Variants in SGCZ observed in about 807,000 individuals in gnomAD.
SGCZ encodes sarcoglycan zeta.
SGCZ carries 40 observed loss-of-function variants against 41.3 expected under a neutral mutation model. That is an observed-to-expected ratio of 0.97 (90% CI 0.75 to 1.26). SGCZ has a LOEUF of 1.26. Among genes scored for constraint, SGCZ ranks in the 50% most tolerant of loss-of-function variants. SGCZ has a pLI of 0.00. For synonymous variants in SGCZ, 206 were observed against 137.5 expected (o/e 1.50, Z -3.49); for missense variants, 552 against 369.8 (o/e 1.49, Z -4.04).
chr8:14,371,347 A>G (rs1803901953), intron 2 of SGCZ, among the ~76,000 whole-genome samples: 1 of 152,024 alleles, frequency 6.6e-6, no homozygotes, highest in South Asian at 2.1e-4. Flanking sequence ...GTTAAATGAC[A>G]ACATTTTCTG....
At chr8:14,346,870 G>A (rs769552449) in intron 2 of SGCZ, among the ~76,000 whole-genome samples, 2 of 151,922 alleles carry the variant, frequency 1.3e-5, no homozygotes, top group South Asian at 2.1e-4. Flanking sequence ...AGTTTAGGGC[G>A]TTTCCTTTTT....
chr8:14,802,239 A>G (rs1362755780), intron 1 of SGCZ, among the ~76,000 whole-genome samples: 1 of 152,218 alleles, frequency 6.6e-6, no homozygotes, highest in Non-Finnish European at 1.5e-5. Flanking sequence ...AAGAAAGACA[A>G]AAATTTAAAC....
At chr8:14,435,694 G>A (rs926437238) in intron 2 of SGCZ, among the ~76,000 whole-genome samples, 1 of 152,190 alleles carries the variant, frequency 6.6e-6, no homozygotes, top group Admixed American at 6.6e-5. Context: ...CTGGAATATG[G>A]TGAAGTGTTT....
intron 4 of SGCZ, among the ~76,000 whole-genome samples, chr8:14,197,645 T>A (rs1340523335): frequency 6.6e-6 from 1 of 152,066 alleles, no homozygotes; most frequent in East Asian, 1.9e-4. Context: ...AAATTGGGAA[T>A]GAAAAGAAAT....
At chr8:14,460,629 G>T (rs1234067553) in intron 2 of SGCZ, among the ~76,000 whole-genome samples, 1 of 152,094 alleles carries the variant, frequency 6.6e-6, no homozygotes, top group Non-Finnish European at 1.5e-5. Context: ...ATCACCAACT[G>T]AGAAATACCA....
chr8:14,901,916 G>C (rs1798984130), intron 1 of SGCZ, among the ~76,000 whole-genome samples: 1 of 152,140 alleles, frequency 6.6e-6, no homozygotes, highest in Non-Finnish European at 1.5e-5. Context: ...ATTGATTCTT[G>C]TTTACATCAC....
chr8:14,567,728 C>G (rs768155889), intron 1 of SGCZ, among the ~76,000 whole-genome samples: 7 of 152,160 alleles, frequency 4.6e-5, no homozygotes, highest in Non-Finnish European at 8.8e-5. Context: ...AGCTGTAACA[C>G]TCACCGTGAA....
chr8:14,316,063 A>G (rs1046313400), intron 3 of SGCZ, among the ~76,000 whole-genome samples: 11 of 151,906 alleles, frequency 7.2e-5, no homozygotes, highest in African/African-American at 2.7e-4. Context: ...ATTTTGAGTC[A>G]GAAAAGTCTC....
At chr8:14,704,304 T>G (rs1379176828) in intron 1 of SGCZ, among the ~76,000 whole-genome samples, 1 of 152,018 alleles carries the variant, frequency 6.6e-6, no homozygotes, top group African/African-American at 2.4e-5. Context: ...TAGCTATTTT[T>G]TATCCCCATC....
intron 1 of SGCZ, among the ~76,000 whole-genome samples, chr8:14,613,930 A>G (rs1181779549): frequency 3.9e-5 from 6 of 152,210 alleles, no homozygotes; most frequent in African/African-American, 1.2e-4. Flanking sequence ...TTATCTTGCC[A>G]TGAAACAATT....
intron 1 of SGCZ, among the ~76,000 whole-genome samples, chr8:14,836,102 C>T (rs1333801278): frequency 6.6e-6 from 1 of 152,010 alleles, no homozygotes; most frequent in East Asian, 1.9e-4. Flanking sequence ...CACATTGCCC[C>T]CATCATTTTT....
chr8:14,211,119 C>A (rs1424457194), intron 4 of SGCZ, among the ~76,000 whole-genome samples: 3 of 152,152 alleles, frequency 2.0e-5, no homozygotes, highest in African/African-American at 7.2e-5. Context: ...TAAAAATGGA[C>A]CCTGACCCTT....
intron 1 of SGCZ, among the ~76,000 whole-genome samples, chr8:14,557,925 T>C (rs1020534155): frequency 2.6e-5 from 4 of 152,066 alleles, no homozygotes; most frequent in African/African-American, 7.2e-5. Flanking sequence ...ATTAGCAAGA[T>C]TAACCAAGAA....
rs188177047 is a variant in SGCZ at position 14,723,708 on chromosome 8, A to T, written c.40-168782T>A. Among the ~76,000 whole-genome samples the T allele has an allele frequency of 2.9e-3, 434 of 152,188 alleles. 4 individuals are homozygous for T. Among genetic ancestry groups the T allele is most frequent in the Non-Finnish European group, 4.7e-3 (321 of 67,998 alleles). ...TGTCTGTGTCTATGCATATATATGC[A>T]TACATATGTCTATATAGTGCATCTA... is the stretch of plus-strand genomic sequence containing the variant. On this transcript the variant is annotated intron_variant, in intron 1 of 7. Transcript: ENST00000382080.
rs189370306 is a variant in SGCZ at position 14,402,425 on chromosome 8, G to A, written c.235-78221C>T. ...TCTAGGATTTTTATGGTTTTAGGTC[G>A]AACGTTTAAGTCTTTAATCCATCTT... On this transcript the variant is annotated intron_variant, in intron 2 of 7. Coordinates refer to ENST00000382080, the MANE Select transcript of SGCZ (RefSeq NM_139167.4). Among the ~76,000 whole-genome samples, 6 of 151,304 alleles carry A rather than the reference G, an allele frequency of 4.0e-5. No individual in the cohort carries two copies. In the East Asian group the frequency reaches 5.8e-4, roughly 15 times the overall value.
At chr8:14,873,348 T>C (rs1477087353) in intron 1 of SGCZ, among the ~76,000 whole-genome samples, 2 of 152,128 alleles carry the variant, frequency 1.3e-5, no homozygotes, top group East Asian at 3.9e-4. Flanking sequence ...TCATATTTTT[T>C]TTATATTTTA....
intron 1 of SGCZ, among the ~76,000 whole-genome samples, chr8:15,060,074 T>G (rs577770468): frequency 6.6e-6 from 1 of 152,272 alleles, no homozygotes; most frequent in South Asian, 2.1e-4. Flanking sequence ...ACGTCTCCCT[T>G]TGGGAACTAG....
chr8:14,391,030 C>T (rs1362466523), intron 2 of SGCZ, among the ~76,000 whole-genome samples: 1 of 151,980 alleles, frequency 6.6e-6, no homozygotes, highest in Non-Finnish European at 1.5e-5. Flanking sequence ...ATTCAGAAAA[C>T]TAAATAAAAC....
At position 15,172,042 on chromosome 8, in the gene SGCZ, G is replaced by C. The variant is rs547315965; in HGVS notation, c.39+65543C>G. ...AACTTGAAAACAGAGATTTCTATGT[G>C]AAAAATGCCAATTTCTACACAAAAC... is the stretch of plus-strand genomic sequence containing the variant. On this transcript the variant is annotated intron_variant, in intron 1 of 7. Coordinates refer to ENST00000382080, the MANE Select transcript of SGCZ (RefSeq NM_139167.4). 2.7e-5 allele frequency among the ~76,000 whole-genome samples: 4 copies of C among 149,708 alleles called. No homozygotes were observed. The South Asian group carries it at 8.4e-4, about 32-fold the overall frequency.
Sources: gnomAD v4.1 joint callset for allele counts (sites outside exome capture counted in the v4.1 genomes callset) on GRCh38, gnomAD v4.1.1 for gene constraint, MANE v1.5 for transcripts, NCBI Gene and HGNC (gene_info 2026-07-23, HGNC 2026-07-21) for gene names.